The following UBAP2L variants were observed in gnomAD, a reference collection of about 807,000 sequenced individuals.
UBAP2L encodes the protein ubiquitin associated protein 2 like, also known as ubiquitin-associated protein 2-like.
Under a neutral mutation model 130.6 loss-of-function variants are expected in UBAP2L, and 12 were observed. The ratio of observed to expected loss-of-function variants is 0.09; its 90% confidence interval spans 0.06 to 0.15. The LOEUF is 0.15. Ranked by LOEUF, UBAP2L falls within the 10% of genes least tolerant of loss-of-function variation. The pLI, the probability that UBAP2L is intolerant of heterozygous loss-of-function variation, is 1.00. For missense variants in UBAP2L, 965 were observed against 1,332.5 expected, an observed-to-expected ratio of 0.72 and a Z score of 4.29; for synonymous variants, 503 against 524.7, an observed-to-expected ratio of 0.96 and a Z score of 0.57.
chr1:154,255,577 T>C, intron 17 of UBAP2L, 106 bp from the exon 18 acceptor site: 1 of 1,353,818 alleles, frequency 7.4e-7, no homozygotes, highest in Non-Finnish European at 1.1e-6. Flanking sequence ...TCAGACCTCC[T>C]TGGTGTCCCA....
At position 154,270,497 on chromosome 1, in the gene UBAP2L, T is replaced by C. The variant is rs1684514068; in HGVS notation, c.*202T>C. On this transcript the variant is annotated 3_prime_UTR_variant, in exon 27 of 27. Transcript: ENST00000428931. ...TGTATGTATTATAGGATTTGTATTT[T>C]CTCCTTTTTTTTCCCCCTTCCATTC... The C allele has an allele frequency of 1.4e-6, 2 of 1,458,268 alleles. No individual in the cohort carries two copies. The allele number at this position is 1,458,268 out of a possible 1,614,324, so 90.3% of individuals were successfully genotyped here. A position where few individuals can be genotyped will look rare whatever the true frequency, so the allele number is the denominator to read the frequency against.
chr1:154,251,416 T>A, intron 13 of UBAP2L, 65 bp from the exon 14 acceptor site: 1 of 1,553,614 alleles, frequency 6.4e-7, no homozygotes, highest in Non-Finnish European at 8.6e-7. Context: ...AAGGGAAGGG[T>A]TTTTTTTAGT....
chr1:154,261,206 G>A lies in UBAP2L; in HGVS notation c.2796+97G>A, dbSNP rs2149025424. ...AGGGTCAATGACTTTAATAATGGAT[G>A]AGGAGGAACAGTTTCCACCTCTGGC... On this transcript the variant is annotated intron_variant, in intron 23 of 26. Coordinates refer to ENST00000428931, the MANE Select transcript of UBAP2L (RefSeq NM_014847.4). The A allele has an allele frequency of 2.2e-6, 3 of 1,352,656 alleles. No individual in the cohort carries two copies. In the Admixed American group the frequency reaches 7.5e-5, roughly 34 times the overall value. 83.8% of individuals were successfully genotyped at this position (1,352,656 alleles called of 1,614,324 possible).
In UBAP2L at chr1:154,246,314, A is replaced by G. The variant is rs1284193335; in HGVS notation, c.953A>G (p.Asn318Ser). 3 of 1,613,650 alleles carry G rather than the reference A, an allele frequency of 1.9e-6. No homozygotes were observed. In the African/African-American group the frequency reaches 4.0e-5, roughly 22 times the overall value. Residue 318 changes from asparagine (N) to serine (S), a missense_variant, in exon 11 of 27, where the codon AAT becomes AGT. By Grantham distance (46) the Asn-to-Ser change is conservative (BLOSUM62 1). Around this residue, in one of 9 missense-constraint regions of UBAP2L, gnomAD observed 99 missense variants for 106.4 expected, o/e 0.93. Coordinates refer to ENST00000428931, the MANE Select transcript of UBAP2L (RefSeq NM_014847.4). ...PSLAQPLVFS[N>S]SKQTAISQPA... is the part of the protein sequence containing the mutation. ...CTGGCCCAGCCTCTGGTGTTCAGTA[A>G]TTCGAAGCAGACTGCCATATCACAG...
At chr1:154,220,519 T>C, upstream of UBAP2L, 11 of 1,220,660 alleles carry the variant, frequency 9.0e-6, no homozygotes, top group South Asian at 1.3e-4. Flanking sequence ...CCCGGCCATT[T>C]CCTTACGGGG....
intron 20 of UBAP2L, chr1:154,258,668 A>C: frequency 4.6e-6 from 1 of 216,986 alleles, no homozygotes; most frequent in Non-Finnish European, 9.2e-6. Context: ...TAAGAGACAG[A>C]GACTTGTAGA....
intron 17 of UBAP2L, 89 bp downstream of exon 17, chr1:154,255,415 C>A: frequency 2.0e-6 from 3 of 1,480,528 alleles, no homozygotes; most frequent in Middle Eastern, 1.9e-4. Context: ...CTGGCAGAGA[C>A]CACATTAGCC....
chr1:154,224,470 G>A (rs1667325003), intron 1 of UBAP2L, among the ~76,000 whole-genome samples: 1 of 151,932 alleles, frequency 6.6e-6, no homozygotes, highest in African/African-American at 2.4e-5. Flanking sequence ...TGAAGGCTGT[G>A]GTTTAAAAAA....
At chr1:154,251,963 C>T (rs1677753205) in intron 14 of UBAP2L, among the ~76,000 whole-genome samples, 1 of 151,940 alleles carries the variant, frequency 6.6e-6, no homozygotes, top group Non-Finnish European at 1.5e-5. Flanking sequence ...ATAATGAGTC[C>T]CTGTCTCTAC....
chr1:154,249,879 A>G (rs1160743464), intron 12 of UBAP2L, among the ~76,000 whole-genome samples: 2 of 46,208 alleles, frequency 4.3e-5, no homozygotes, highest in African/African-American at 1.4e-4. Context: ...AAAAAAAAAA[A>G]AAGAAAAATT....
At position 154,236,581 on chromosome 1, in the gene UBAP2L, G is replaced by A. The variant is rs1434971590; in HGVS notation, c.560G>A (p.Arg187Gln). Residue 187 changes from arginine (R) to glutamine (Q), a missense_variant, in exon 7 of 27, where the codon CGA becomes CAA. Around this residue, in one of 9 missense-constraint regions of UBAP2L, gnomAD observed 109 missense variants for 146.6 expected, o/e 0.74. Coordinates refer to ENST00000428931, the MANE Select transcript of UBAP2L (RefSeq NM_014847.4). Reference sequence around the variant, plus strand: ...CTTTCTTTAGGTGGCTCTGGTAGGCGAGGAGGAAGGTTTTCTGCTCAAGGA... The same window carrying A: ...CTTTCTTTAGGTGGCTCTGGTAGGCAAGGAGGAAGGTTTTCTGCTCAAGGA... The part of the protein sequence containing the change: ...RGRGRGGSGR[R>Q]GGRFSAQGMG... 3.1e-6 allele frequency: 5 copies of A among 1,613,862 alleles called. No individual in the cohort carries two copies. The highest frequency in any genetic ancestry group is 2.7e-5 in the African/African-American group (2 of 74,862).
intron 4 of UBAP2L, among the ~76,000 whole-genome samples, chr1:154,233,513 C>T (rs1021258537): frequency 4.0e-5 from 6 of 151,288 alleles, no homozygotes; most frequent in Non-Finnish European, 8.8e-5. Flanking sequence ...TTAGTAGAGA[C>T]GGGGTTTCAC....
At chr1:154,225,401 A>G (rs972601474) in intron 2 of UBAP2L, among the ~76,000 whole-genome samples, 188 bp downstream of exon 2, 1 of 150,846 alleles carries the variant, frequency 6.6e-6, no homozygotes, top group Non-Finnish European at 1.5e-5. Context: ...CAAGATGCTT[A>G]CTTTTTTGTT....
intron 11 of UBAP2L, among the ~76,000 whole-genome samples, chr1:154,247,264 T>C (rs1675834335): frequency 6.6e-6 from 1 of 152,244 alleles, no homozygotes; most frequent in African/African-American, 2.4e-5. Context: ...AATTGTTGTC[T>C]TAAAATGTTT....
In UBAP2L at chr1:154,245,057, G is replaced by A. The variant is rs191074094; in HGVS notation, c.843-1147G>A. On this transcript the variant is annotated intron_variant, in intron 10 of 26. Transcript: ENST00000428931. ...AGCGATTCTCCTGCCTCAGCCTCCC[G>A]AGTAGCTGGTATAGTAGGCACCCGC... Among the ~76,000 whole-genome samples the A allele has an allele frequency of 3.3e-5, 5 of 152,198 alleles. No homozygotes were observed. The East Asian group carries it at 5.8e-4, about 18-fold the overall frequency.
rs1353994171 is a variant in UBAP2L at position 154,270,423 on chromosome 1, C to T, written c.*128C>T. The T allele has an allele frequency of 2.0e-6, 3 of 1,535,884 alleles. No homozygotes were observed. In the Admixed American group the frequency reaches 5.9e-5, roughly 30 times the overall value. On this transcript the variant is annotated 3_prime_UTR_variant, in exon 27 of 27. Coordinates refer to ENST00000428931, the MANE Select transcript of UBAP2L (RefSeq NM_014847.4). Reference sequence around the variant, plus strand: ...GCCCCCCACCCCCAGCGGCCCACCCCATGCCTCAGCTTCATGTCTGTCCCA... The same window carrying T: ...GCCCCCCACCCCCAGCGGCCCACCCTATGCCTCAGCTTCATGTCTGTCCCA...
rs777109260 is a variant in UBAP2L at position 154,236,983 on chromosome 1, C to A, written c.591-41C>A. 6 of 1,495,754 alleles carry A rather than the reference C, an allele frequency of 4.0e-6. No homozygotes were observed. The Admixed American group carries it at 1.0e-4, about 26-fold the overall frequency. The allele number at this position is 1,495,754 out of a possible 1,614,324, so 92.7% of individuals were successfully genotyped here. A position where few individuals can be genotyped will look rare whatever the true frequency, so the allele number is the denominator to read the frequency against. ...TTCTTTGAGTTAATATTTGCCAAAG[C>A]TGCTTAGAGGTCAGAGACTCTTAAG... On this transcript the variant is annotated intron_variant, in intron 7 of 26. Coordinates refer to ENST00000428931, the MANE Select transcript of UBAP2L (RefSeq NM_014847.4).
intron 26 of UBAP2L, chr1:154,269,489 T>A (rs1279071006): frequency 8.3e-7 from 1 of 1,197,772 alleles, no homozygotes; most frequent in African/African-American, 1.6e-5. Flanking sequence ...CTCAGGGAAC[T>A]TGAAAAGACT....
rs747943315 is a variant in UBAP2L, at chr1:154,236,623, TG to T, written c.590+13del. On this transcript the variant is annotated intron_variant, in intron 7 of 26. Coordinates refer to ENST00000428931, the MANE Select transcript of UBAP2L (RefSeq NM_014847.4). The stretch of plus-strand genomic sequence containing the variant: ...GCTCAAGGAATGGGGTAAGTTTCAT[TG>T]ATCTAGTGTCTTAATTTTTTTTCCC... 3.1e-6 allele frequency: 5 copies of T among 1,613,870 alleles called. No homozygotes were observed. Among genetic ancestry groups the T allele is most frequent in the Admixed American group, 1.7e-5 (1 of 59,976 alleles).
Sources: gnomAD v4.1 joint callset for allele counts (sites outside exome capture counted in the v4.1 genomes callset) on GRCh38, gnomAD v4.1.1 for gene constraint, gnomAD v4.1.1 regional missense constraint, MANE v1.5 for transcripts, NCBI Gene and HGNC (gene_info 2026-07-23, HGNC 2026-07-21) for gene names.